SEC63: variants seen among roughly 807,000 people sequenced by gnomAD.
SEC63 encodes the protein translocation protein SEC63 homolog.
A neutral mutation model predicts 116.2 loss-of-function variants in SEC63; 56 were observed. The ratio of observed to expected loss-of-function variants is 0.48; its 90% CI spans 0.39 to 0.60. The LOEUF is 0.60. SEC63 is among the 20% of genes least tolerant of loss of function. The pLI is 0.00. For synonymous variants in SEC63, 273 were observed against 294.6 expected, an observed-to-expected ratio of 0.93 and a Z score of 0.75; for missense variants, 668 against 900.0, an observed-to-expected ratio of 0.74 and a Z score of 3.30.
intron 12 of SEC63, 42 bp downstream of exon 12, chr6:107,902,793 AAGTGACAGG>A: frequency 6.4e-7 from 1 of 1,552,752 alleles, no homozygotes; most frequent in Middle Eastern, 1.9e-4. Flanking sequence ...TGTTACCTTT[AAGTGACAGG>A]ACAAACTGCT....
chr6:107,902,864 G>GAA lies in SEC63; in HGVS notation c.1188_1189insTT (p.Arg397PhefsTer18), dbSNP rs1787039334. The GAA allele has an allele frequency of 6.2e-7, 1 of 1,613,704 alleles. No individual in the cohort carries two copies. Among genetic ancestry groups the GAA allele is most frequent in the African/African-American group, 1.3e-5 (1 of 74,874 alleles). ...ATTACCTTCTTATGATTAGAAACCC[G>GAA]TCTAAGATTGTCCTCTTCAATATGA... On this transcript the variant is annotated frameshift_variant, in exon 12 of 21. Coordinates refer to ENST00000369002, the MANE Select transcript of SEC63 (RefSeq NM_007214.5). LOFTEE classifies it high-confidence loss of function.
In SEC63 at chr6:107,886,165, C is replaced by T. The variant is rs569017172; in HGVS notation, c.1675-3019G>A. Among the ~76,000 whole-genome samples, 449 of 152,262 alleles carry T rather than the reference C, an allele frequency of 2.9e-3. 2 individuals carry two copies. Among genetic ancestry groups the T allele is most frequent in the African/African-American group, 0.01 (431 of 41,540 alleles). On this transcript the variant is annotated intron_variant, in intron 16 of 20. Transcript: ENST00000369002. ...GAGAATGATGGTTTCCAACGTCATC[C>T]ATGTCCCTGCAAAGGACATGAACTC...
intron 4 of SEC63, among the ~76,000 whole-genome samples, chr6:107,915,249 C>T (rs897118632): frequency 2.0e-5 from 3 of 151,936 alleles, no homozygotes; most frequent in Admixed American, 6.6e-5. Flanking sequence ...TAACAGAGGA[C>T]GATTATAGAT....
intron 19 of SEC63, among the ~76,000 whole-genome samples, chr6:107,873,777 T>C (rs1786189565): frequency 6.6e-6 from 1 of 151,984 alleles, no homozygotes; most frequent in Non-Finnish European, 1.5e-5. Flanking sequence ...CACAAAGGGC[T>C]GATTTCTTAA....
Position 107,869,325 on chromosome 6 carries a change from C to G in SEC63, c.*2379G>C, listed in dbSNP as rs997269603. On this transcript the variant is annotated 3_prime_UTR_variant, in exon 21 of 21. Transcript: ENST00000369002. ...ATAATGCTAAAATACACAACTGCTA[C>G]ACTTTGAATTGTGGTAAGTCTCCTC... 6.6e-6 allele frequency: 1 copy of G among 152,198 alleles called. No individual in the cohort carries two copies. The highest frequency in any genetic ancestry group is 6.5e-5 in the Admixed American group (1 of 15,286). The allele number at this position is 152,198 out of a possible 1,614,324, so 9.4% of individuals were successfully genotyped here. A position where few individuals can be genotyped will look rare whatever the true frequency, so the allele number is the denominator to read the frequency against.
chr6:107,920,636 C>A (rs569204883), intron 4 of SEC63, among the ~76,000 whole-genome samples: 103 of 152,126 alleles, frequency 6.8e-4, no homozygotes, highest in Non-Finnish European at 1.3e-3. Flanking sequence ...ATTGAGTTCA[C>A]AAAATTATAC....
intron 1 of SEC63, among the ~76,000 whole-genome samples, chr6:107,931,325 A>G (rs1562334449): frequency 6.7e-6 from 1 of 149,220 alleles, no homozygotes; most frequent in Non-Finnish European, 1.5e-5. Context: ...CTGGGAAACA[A>G]GAATGAAACT....
chr6:107,889,527 C>G (rs1206658941), intron 16 of SEC63, among the ~76,000 whole-genome samples: 1 of 151,894 alleles, frequency 6.6e-6, no homozygotes, highest in Non-Finnish European at 1.5e-5. Flanking sequence ...GTTATCTTTT[C>G]AAAAAACTAG....
At chr6:107,939,749 G>T (rs1374935546) in intron 1 of SEC63, among the ~76,000 whole-genome samples, 1 of 151,744 alleles carries the variant, frequency 6.6e-6, no homozygotes. Context: ...CTAAAAAATA[G>T]TTAAAAATAA....
chr6:107,930,757 G>T (rs945764050), intron 1 of SEC63, among the ~76,000 whole-genome samples: 2 of 152,130 alleles, frequency 1.3e-5, no homozygotes, highest in African/African-American at 4.8e-5. Flanking sequence ...TACTTTGGGA[G>T]GCTGAGGCAG....
chr6:107,867,819 T>C lies in SEC63; in HGVS notation c.*3885A>G, dbSNP rs1786030871. On this transcript the variant is annotated 3_prime_UTR_variant, in exon 21 of 21. Transcript: ENST00000369002. ...GTGTACAATTGTACAATATATTATG[T>C]ACATTATAAAACACACAAAAATAGA... The C allele has an allele frequency of 6.6e-6, 1 of 152,190 alleles. No individual in the cohort carries two copies. The highest frequency in any genetic ancestry group is 1.5e-5 in the Non-Finnish European group (1 of 68,028). 9.4% of individuals were successfully genotyped at this position (152,190 alleles called of 1,614,324 possible).
chr6:107,889,263 T>A (rs113990632), intron 16 of SEC63, among the ~76,000 whole-genome samples: 3 of 152,186 alleles, frequency 2.0e-5, no homozygotes, highest in Non-Finnish European at 4.4e-5. Context: ...CTGCCTCAAT[T>A]TCAGAGCTTG....
intron 1 of SEC63, among the ~76,000 whole-genome samples, chr6:107,933,872 C>T (rs1206146496): frequency 3.3e-5 from 5 of 152,214 alleles, no homozygotes; most frequent in African/African-American, 7.2e-5. Context: ...AGGCGCGCGC[C>T]GCCACGCCTG....
chr6:107,913,449 T>G, intron 4 of SEC63, 22 bp from the exon 5 acceptor site: 1 of 1,599,976 alleles, frequency 6.3e-7, no homozygotes. Flanking sequence ...AGAACAAAGT[T>G]GCAAAATTAG....
At chr6:107,911,419 T>C in intron 6 of SEC63, 23 bp from the exon 7 acceptor site, 1 of 1,529,872 alleles carries the variant, frequency 6.5e-7, no homozygotes, top group Non-Finnish European at 9.1e-7. Flanking sequence ...AGAAAAAGAA[T>C]TATGGCCTTC....
intron 1 of SEC63, 90 bp downstream of exon 1, chr6:107,957,796 C>T (rs914865441): frequency 2.3e-6 from 3 of 1,291,552 alleles, no homozygotes; most frequent in South Asian, 4.3e-5. Context: ...CCGGACGCCG[C>T]GGGCTGGGGC....
intron 1 of SEC63, among the ~76,000 whole-genome samples, chr6:107,952,126 T>C (rs1011324044): frequency 6.6e-6 from 1 of 152,158 alleles, no homozygotes; most frequent in Non-Finnish European, 1.5e-5. Context: ...TTCAGCCAAT[T>C]TGCAAACCAA....
At position 107,871,595 on chromosome 6, in the gene SEC63, T is replaced by G; in HGVS notation, c.*109A>C. On this transcript the variant is annotated 3_prime_UTR_variant, in exon 21 of 21. Transcript: ENST00000369002. ...GCACCCATTTCAAGAGTAAAAAAAC[T>G]ACACCTCCCTCAACATCAGTTCTGT... is the stretch of plus-strand genomic sequence containing the variant. The G allele has an allele frequency of 9.8e-7, 1 of 1,025,256 alleles. No homozygotes were observed. Among genetic ancestry groups the G allele is most frequent in the Non-Finnish European group, 1.5e-6 (1 of 657,192 alleles). The allele number at this position is 1,025,256 out of a possible 1,614,324, so 63.5% of individuals were successfully genotyped here.
intron 16 of SEC63, 116 bp downstream of exon 16, chr6:107,893,366 G>T: frequency 1.1e-6 from 1 of 950,934 alleles, no homozygotes; most frequent in Non-Finnish European, 1.6e-6. Flanking sequence ...GAGCTTTCTA[G>T]GGTATCACGG....
Sources: gnomAD v4.1 joint callset for allele counts (sites outside exome capture counted in the v4.1 genomes callset) on GRCh38, gnomAD v4.1.1 for gene constraint, MANE v1.5 for transcripts, NCBI Gene and HGNC (gene_info 2026-07-23, HGNC 2026-07-21) for gene names.